ICA1: variants seen among roughly 807,000 people sequenced by gnomAD.
The protein encoded by ICA1 is islet cell autoantigen 1, also known as 69 kDa islet cell autoantigen.
Under a neutral mutation model 71.0 loss-of-function variants are expected in ICA1, and 40 were observed. The observed-to-expected ratio is 0.56, with a 90% confidence interval of 0.44 to 0.73. The LOEUF (loss-of-function observed/expected upper bound fraction) is 0.73. Among genes scored for constraint, ICA1 ranks in the 30% least tolerant of loss-of-function variants. The pLI, the probability that ICA1 is intolerant of heterozygous loss-of-function variation, is 0.00. For synonymous variants in ICA1, 207 were observed against 209.5 expected (o/e 0.99, Z 0.10); for missense variants, 578 against 576.5 (o/e 1.00, Z -0.03).
At chr7:8,253,164 G>A (rs1291946909) in intron 1 of ICA1, among the ~76,000 whole-genome samples, 10 of 152,182 alleles carry the variant, frequency 6.6e-5, no homozygotes, top group Admixed American at 3.3e-4. Flanking sequence ...CTATAACTTC[G>A]GTCACCAATA....
At chr7:8,170,555 A>G (rs1409032554) in intron 6 of ICA1, among the ~76,000 whole-genome samples, 1 of 151,944 alleles carries the variant, frequency 6.6e-6, no homozygotes, top group African/African-American at 2.4e-5. Flanking sequence ...ATTTTGTTAA[A>G]TTTATTGTTA....
intron 13 of ICA1, among the ~76,000 whole-genome samples, chr7:8,125,134 A>G (rs995734246): frequency 6.6e-6 from 1 of 152,208 alleles, no homozygotes; most frequent in African/African-American, 2.4e-5. Flanking sequence ...AGCAGAGGAA[A>G]TAAAACTTCT....
chr7:8,142,651 C>T (rs1459283088), intron 9 of ICA1, among the ~76,000 whole-genome samples: 1 of 152,238 alleles, frequency 6.6e-6, no homozygotes, highest in South Asian at 2.1e-4. Context: ...CCTTCCGGAA[C>T]CTTCCTTCCA....
At chr7:8,167,473 C>T (rs1034946712) in intron 6 of ICA1, among the ~76,000 whole-genome samples, 5 of 152,032 alleles carry the variant, frequency 3.3e-5, no homozygotes, top group Non-Finnish European at 7.4e-5. Context: ...CGCCTACTTG[C>T]GGGTAGGTGG....
chr7:8,152,796 T>TCCACCATCA (rs1190917620), intron 8 of ICA1, among the ~76,000 whole-genome samples: 5 of 49,636 alleles, frequency 1.0e-4, no homozygotes, highest in Non-Finnish European at 2.1e-4. Context: ...CACCATCACC[T>TCCACCATCA]CCACCACCAC....
intron 6 of ICA1, among the ~76,000 whole-genome samples, chr7:8,197,184 A>G (rs1787918893): frequency 1.3e-5 from 2 of 152,004 alleles, no homozygotes; most frequent in African/African-American, 4.8e-5. Context: ...AAAAAGACAG[A>G]TGGTAAAGAT....
intron 6 of ICA1, among the ~76,000 whole-genome samples, chr7:8,203,780 C>T (rs1790545067): frequency 6.6e-6 from 1 of 152,206 alleles, no homozygotes; most frequent in Non-Finnish European, 1.5e-5. Context: ...GACCGCAAAC[C>T]TTTCAACAGT....
intron 6 of ICA1, among the ~76,000 whole-genome samples, chr7:8,192,004 TAG>T (rs1052706678): frequency 3.9e-5 from 6 of 152,154 alleles, no homozygotes; most frequent in Non-Finnish European, 8.8e-5. Context: ...CAAACACACA[TAG>T]ATTTTTTCCT....
At chr7:8,224,330 G>A (rs1797983184) in intron 4 of ICA1, among the ~76,000 whole-genome samples, 1 of 152,132 alleles carries the variant, frequency 6.6e-6, no homozygotes, top group Admixed American at 6.5e-5. Flanking sequence ...GGTGGACAAG[G>A]GAAAAGGTGA....
intron 13 of ICA1, 38 bp from the exon 14 acceptor site, chr7:8,114,082 C>T (rs1164894697): frequency 6.2e-7 from 1 of 1,613,280 alleles, no homozygotes; most frequent in East Asian, 2.2e-5. Context: ...AACGCACCTT[C>T]CAAATGTCCA....
intron 2 of ICA1, 101 bp downstream of exon 2, chr7:8,235,809 C>T: frequency 1.6e-6 from 2 of 1,217,432 alleles, no homozygotes; most frequent in Non-Finnish European, 2.4e-6. Flanking sequence ...ATGATACTTA[C>T]TGCCAATGTA....
At chr7:8,214,804 A>G (rs1583331530) in intron 6 of ICA1, among the ~76,000 whole-genome samples, 1 of 152,184 alleles carries the variant, frequency 6.6e-6, no homozygotes, top group South Asian at 2.1e-4. Context: ...GTGCTATTTA[A>G]AAGGTTTCTT....
At chr7:8,140,566 T>C (rs113381444) in intron 10 of ICA1, among the ~76,000 whole-genome samples, 10 of 152,342 alleles carry the variant, frequency 6.6e-5, no homozygotes, top group African/African-American at 2.4e-4. Flanking sequence ...TAGATTACCA[T>C]CTGCTTGCCC....
In ICA1 at chr7:8,158,508, A is replaced by G; in HGVS notation, c.705+19T>C. On this transcript the variant is annotated intron_variant, in intron 7 of 13. Coordinates refer to ENST00000402384, the MANE Select transcript of ICA1 (RefSeq NM_001136020.3). ...CTTGTGCCATCCTTGGTTCATTGCA[A>G]CAAACATTATTTTGTTACCTGGTAT... The G allele has an allele frequency of 6.2e-7, 1 of 1,613,468 alleles. No individual in the cohort carries two copies. The highest frequency in any genetic ancestry group is 8.5e-7 in the Non-Finnish European group (1 of 1,179,746).
At chr7:8,169,605 A>C (rs1807501521) in intron 6 of ICA1, among the ~76,000 whole-genome samples, 1 of 152,082 alleles carries the variant, frequency 6.6e-6, no homozygotes, top group Admixed American at 6.6e-5. Context: ...ATGACTAATG[A>C]TATTGAACTT....
intron 1 of ICA1, among the ~76,000 whole-genome samples, chr7:8,250,551 G>A (rs1807818026): frequency 6.6e-6 from 1 of 152,104 alleles, no homozygotes; most frequent in Admixed American, 6.5e-5. Context: ...ACGTGGACAC[G>A]ATTACCTGAG....
intron 1 of ICA1, among the ~76,000 whole-genome samples, chr7:8,236,461 C>G (rs902866918): frequency 1.3e-5 from 2 of 152,118 alleles, no homozygotes; most frequent in Non-Finnish European, 2.9e-5. Context: ...ATAGTGTTCT[C>G]TTTGTGAAGC....
chr7:8,217,084 G>A (rs1178507105), intron 6 of ICA1, among the ~76,000 whole-genome samples: 1 of 152,164 alleles, frequency 6.6e-6, no homozygotes, highest in Non-Finnish European at 1.5e-5. Context: ...TTACAATTTT[G>A]GGGCTTTGAT....
At chr7:8,187,064 C>T (rs772261202) in intron 6 of ICA1, among the ~76,000 whole-genome samples, 2 of 152,148 alleles carry the variant, frequency 1.3e-5, no homozygotes, top group Non-Finnish European at 2.9e-5. Context: ...ATGAGCTTGA[C>T]GTGATTACAC....
Sources: allele counts gnomAD v4.1 joint callset (sites outside exome capture counted in the v4.1 genomes callset), GRCh38; gene constraint gnomAD v4.1.1; transcripts MANE v1.5; gene names NCBI Gene and HGNC (gene_info 2026-07-23, HGNC 2026-07-21).